The following TEP1 variants were observed in gnomAD, a reference collection of about 807,000 sequenced individuals.
TEP1 encodes telomerase protein component 1.
Under a neutral mutation model 306.3 loss-of-function variants are expected in TEP1, and 241 were observed. The observed-to-expected ratio is 0.79, with a 90% CI of 0.71 to 0.88. The LOEUF is 0.88. Ranked by LOEUF, TEP1 falls within the 40% of genes least tolerant of loss-of-function variation. The probability of loss-of-function intolerance (pLI) is 0.00; values close to 1 mark genes in which losing one functional copy is unlikely to be tolerated. For missense variants in TEP1, 3,051 were observed against 3,276.1 expected (o/e 0.93, Z 1.68); for synonymous variants, 1,289 against 1,305.5 (o/e 0.99, Z 0.27).
At chr14:20,390,305 T>C (rs1033480841) in intron 15 of TEP1, among the ~76,000 whole-genome samples, 1 of 152,168 alleles carries the variant, frequency 6.6e-6, no homozygotes, top group Non-Finnish European at 1.5e-5. Context: ...TTTACTACAT[T>C]TTACTATTAT....
chr14:20,368,596 C>CA, intron 54 of TEP1, 37 bp from the exon 55 acceptor site: 1 of 1,610,924 alleles, frequency 6.2e-7, no homozygotes, highest in East Asian at 2.2e-5. Context: ...GTCAGGGCTA[C>CA]AAGCCTCCTT....
Position 20,383,569 on chromosome 14 carries a change from G to A in TEP1, c.3786C>T (p.Val1262=), listed in dbSNP as rs540634960. ...ACCTATCAGCCCCATCGATGATCAG[G>A]ACCTGGGTCTGGCCAGGATGCAGGG... is the stretch of plus-strand genomic sequence containing the variant. ...AESLHPGQTQ[V]LIIDGADRLV... is the part of the protein sequence containing the mutation. Residue 1262 remains valine (V), a synonymous_variant, in exon 26 of 55, where the codon GTC becomes GTT. Coordinates refer to ENST00000262715, the MANE Select transcript of TEP1 (RefSeq NM_007110.5). 2.7e-5 allele frequency: 43 copies of A among 1,614,188 alleles called. No individual in the cohort carries two copies. In the East Asian group the frequency reaches 9.4e-4, roughly 35 times the overall value.
At position 20,379,016 on chromosome 14, in the gene TEP1, C is replaced by T; in HGVS notation, c.5217G>A (p.Gly1739=). 6.2e-7 allele frequency: 1 copy of T among 1,614,222 alleles called. No homozygotes were observed. The highest frequency in any genetic ancestry group is 8.5e-7 in the Non-Finnish European group (1 of 1,180,046). The change falls in exon 36 of 55, where the codon GGG becomes GGA. Residue 1739 remains glycine (G), a synonymous_variant. Coordinates refer to ENST00000262715, the MANE Select transcript of TEP1 (RefSeq NM_007110.5). ...GCTGCAGGTCCCAGAGCTCCAGGAG[C>T]CCGTCGAAGGCAGTAAGAAAGAGTG... ...DDTLFLTAFD[G]LLELWDLQHG...
rs1181722238 is a variant in TEP1 at position 20,381,664 on chromosome 14, C to T, written c.4447G>A (p.Glu1483Lys). The T allele has an allele frequency of 6.2e-7, 1 of 1,610,074 alleles. No individual in the cohort carries two copies. Among genetic ancestry groups the T allele is most frequent in the Non-Finnish European group, 8.5e-7 (1 of 1,178,286 alleles). ...LRSLLGEGPL[E>K]RPGARLCLPD... ...AGGCACAGCCGGGCACCAGGGCGCT[C>T]CAGAGGGCCCTCCCCTAGCAAACTG... The change falls in exon 31 of 55, where the codon GAG becomes AAG. Residue 1483 changes from glutamate (E) to lysine (K), a missense_variant. Coordinates refer to ENST00000262715, the MANE Select transcript of TEP1 (RefSeq NM_007110.5). The surrounding 1 kb of genome is among the most constrained non-coding windows in gnomAD (Gnocchi z 4.0).
chr14:20,380,047 G>A lies in TEP1; in HGVS notation c.5010C>T (p.Ser1670=), dbSNP rs1177370244. 2 of 1,610,732 alleles carry A rather than the reference G, an allele frequency of 1.2e-6. No individual in the cohort carries two copies. Among genetic ancestry groups the A allele is most frequent in the East Asian group, 2.2e-5 (1 of 44,876 alleles). Reference sequence around the variant, plus strand: ...GGGATGAGGAAACTGCCAGAGACAGGCTGGAGCTAGAGAAAGAGTAGGAAG... The same window carrying A: ...GGGATGAGGAAACTGCCAGAGACAGACTGGAGCTAGAGAAAGAGTAGGAAG... ...PRTMKNQQSS[S]LSLAVSSSPT... Residue 1670 remains serine (S), a synonymous_variant, in exon 35 of 55, where the codon AGC becomes AGT. Coordinates refer to ENST00000262715, the MANE Select transcript of TEP1 (RefSeq NM_007110.5).
In TEP1 at chr14:20,379,803, G is replaced by A. The variant is rs574106872; in HGVS notation, c.5127+127C>T. The stretch of plus-strand genomic sequence containing the variant: ...ATTTTTTGGCCAAGCCCTTTGAGCT[G>A]ATGTGCAGGCAGTAAAGTTGCTGAA... On this transcript the variant is annotated intron_variant, in intron 35 of 54. Transcript: ENST00000262715. The A allele has an allele frequency of 1.4e-5, 18 of 1,289,268 alleles. No homozygotes were observed. The African/African-American group carries it at 1.9e-4, about 14-fold the overall frequency. The allele number at this position is 1,289,268 out of a possible 1,614,324, so 79.9% of individuals were successfully genotyped here.
At chr14:20,378,643 A>G in intron 37 of TEP1, 108 bp from the exon 38 acceptor site, 2 of 1,583,320 alleles carry the variant, frequency 1.3e-6, no homozygotes, top group Non-Finnish European at 8.7e-7. Flanking sequence ...TCAGCAGGGA[A>G]GGCCTTCTCT....
chr14:20,380,048 C>T lies in TEP1; in HGVS notation c.5009G>A (p.Ser1670Asn), dbSNP rs1397396626. The T allele has an allele frequency of 2.5e-6, 4 of 1,610,540 alleles. No individual in the cohort carries two copies. In the East Asian group the frequency reaches 8.9e-5, roughly 36 times the overall value. The change falls in exon 35 of 55, where the codon AGC (serine) becomes AAC (asparagine). Residue 1670 changes from serine to asparagine, a missense_variant. Transcript: ENST00000262715. ...GGATGAGGAAACTGCCAGAGACAGG[C>T]TGGAGCTAGAGAAAGAGTAGGAAGA... ...PRTMKNQQSS[S>N]LSLAVSSSPT... is the part of the protein sequence containing the mutation.
At chr14:20,388,163 G>C in intron 17 of TEP1, 100 bp from the exon 18 acceptor site, 1 of 1,353,056 alleles carries the variant, frequency 7.4e-7, no homozygotes. Context: ...TCCAGGTTTG[G>C]TGACCAGTTA....
At position 20,379,026 on chromosome 14, in the gene TEP1, G is replaced by C; in HGVS notation, c.5207C>G (p.Ala1736Gly). The change falls in exon 36 of 55, where the codon GCC becomes GGC. Residue 1736 changes from alanine (A) to glycine (G), a missense_variant. Physicochemically the swap from Ala to Gly is moderately conservative, Grantham distance 60 (BLOSUM62 0). Around this residue, in one of 3 missense-constraint regions of TEP1, gnomAD observed 1,540 missense variants for 1,705.9 expected, o/e 0.90. Coordinates refer to ENST00000262715, the MANE Select transcript of TEP1 (RefSeq NM_007110.5). ...CCAGAGCTCCAGGAGCCCGTCGAAG[G>C]CAGTAAGAAAGAGTGTATCATCGGA... is the stretch of plus-strand genomic sequence containing the variant. ...FLSDDTLFLT[A>G]FDGLLELWDL... 6.2e-7 allele frequency: 1 copy of C among 1,614,240 alleles called. No homozygotes were observed. The highest frequency in any genetic ancestry group is 8.5e-7 in the Non-Finnish European group (1 of 1,180,046).
intron 36 of TEP1, 45 bp from the exon 37 acceptor site, chr14:20,378,898 G>A (rs1213537103): frequency 6.2e-7 from 1 of 1,613,588 alleles, no homozygotes; most frequent in South Asian, 1.1e-5. Context: ...CTGGCCATCA[G>A]CTCCCTCCTC....
rs775425177 is a variant in TEP1, at chr14:20,384,185, C to G, written c.3387G>C (p.Leu1129Phe). The G allele has an allele frequency of 2.5e-6, 4 of 1,614,150 alleles. No homozygotes were observed. The South Asian group carries it at 4.4e-5, about 18-fold the overall frequency. ...EQPVSIPDDDLVQATFQQLQK... is the reference protein window; with the variant it reads ...EQPVSIPDDDFVQATFQQLQK... ...GCAGCTGCTGGAAGGTGGCCTGGAC[C>G]AAGTCATCGTCTGGGATGGACACTG... The change falls in exon 24 of 55, where the codon TTG becomes TTC. Residue 1129 changes from leucine to phenylalanine, a missense_variant. Leu to Phe is a conservative substitution (Grantham distance 22). This residue lies in a region of TEP1 where 1,507 missense variants were observed against 1,550.5 expected (regional missense o/e 0.97). Coordinates refer to ENST00000262715, the MANE Select transcript of TEP1 (RefSeq NM_007110.5).
chr14:20,389,601 C>T lies in TEP1; in HGVS notation c.2465+9G>A, dbSNP rs1877521275. 6 of 1,613,538 alleles carry T rather than the reference C, an allele frequency of 3.7e-6. No individual in the cohort carries two copies. Among genetic ancestry groups the T allele is most frequent in the South Asian group, 2.2e-5 (2 of 91,030 alleles). ...TCTGACACTGGGCAGGAAGTATAAG[C>T]ACCCTTACAGGTATTGTACCCTTCT... On this transcript the variant is annotated intron_variant, in intron 16 of 54. Transcript: ENST00000262715.
Position 20,371,264 on chromosome 14 carries a change from C to T in TEP1, c.7271G>A (p.Gly2424Asp). Residue 2424 changes from glycine to aspartate, a missense_variant, in exon 51 of 55, where the codon GGC (glycine) becomes GAC (aspartate). Coordinates refer to ENST00000262715, the MANE Select transcript of TEP1 (RefSeq NM_007110.5). ...ATCCTTGGGCTGCAGGACAAATATG[C>T]CATACTCCTTGTGGGTGGACAATAT... Reference protein sequence around the residue: ...PMILSTHKEYGIFVLQPKDPG... With the variant: ...PMILSTHKEYDIFVLQPKDPG... 6.2e-7 allele frequency: 1 copy of T among 1,614,184 alleles called. No individual in the cohort carries two copies. The highest frequency in any genetic ancestry group is 2.2e-5 in the East Asian group (1 of 44,878).
rs543611237 is a variant in TEP1, at chr14:20,383,035, TAAC to T, written c.4047+136_4047+138del. On this transcript the variant is annotated intron_variant, in intron 27 of 54. Coordinates refer to ENST00000262715, the MANE Select transcript of TEP1 (RefSeq NM_007110.5). Reference sequence around the variant, plus strand: ...TGATCAGGAATCACAATTTTCTTATTAACAACTTCCCATGGACAGAATTTCTGA... The same window carrying T: ...TGATCAGGAATCACAATTTTCTTATTAACTTCCCATGGACAGAATTTCTGA... The T allele has an allele frequency of 2.5e-3, 2,673 of 1,056,414 alleles. 3 individuals are homozygous for T. The highest frequency in any genetic ancestry group is 3.4e-3 in the Non-Finnish European group (2,499 of 740,566). The allele number at this position is 1,056,414 out of a possible 1,614,324, so 65.4% of individuals were successfully genotyped here.
chr14:20,404,541 T>C, intron 5 of TEP1, 70 bp downstream of exon 5: 1 of 1,527,822 alleles, frequency 6.5e-7, no homozygotes, highest in Non-Finnish European at 8.8e-7. Context: ...GAGAATTTTC[T>C]CCAAGGATGC....
chr14:20,385,226 C>A (rs753546818), intron 20 of TEP1, 117 bp from the exon 21 acceptor site: 63 of 1,327,654 alleles, frequency 4.7e-5, no homozygotes, highest in Non-Finnish European at 5.8e-5. Context: ...TCCCTCCAGG[C>A]ACAAGCAATA....
chr14:20,382,468 GAAC>G, intron 28 of TEP1, 112 bp from the exon 29 acceptor site: 2 of 1,537,788 alleles, frequency 1.3e-6, no homozygotes, highest in Non-Finnish European at 8.8e-7. Context: ...AAAAAGTAAA[GAAC>G]AACAGTAGGA....
At chr14:20,384,736 G>A (rs1330447176) in intron 21 of TEP1, 23 bp from the exon 22 acceptor site, 3 of 1,603,262 alleles carry the variant, frequency 1.9e-6, no homozygotes, top group Non-Finnish European at 2.5e-6. Flanking sequence ...GACCCCAAAA[G>A]TTGGAATAGA....
Sources: gnomAD v4.1 joint callset for allele counts (sites outside exome capture counted in the v4.1 genomes callset) on GRCh38, gnomAD v4.1.1 for gene constraint, gnomAD v4.1.1 regional missense constraint, Gnocchi (gnomAD v3.1) non-coding constraint, MANE v1.5 for transcripts, NCBI Gene and HGNC (gene_info 2026-07-23, HGNC 2026-07-21) for gene names.